ZBTB16: variants seen among roughly 807,000 people sequenced by gnomAD.
ZBTB16 encodes the protein zinc finger and BTB domain containing 16.
In ZBTB16, 8 loss-of-function variants were observed where a neutral mutation model predicts 56.8. That is an observed-to-expected ratio of 0.14 (90% CI 0.08 to 0.25). ZBTB16 has a LOEUF of 0.25. Ranked by LOEUF, ZBTB16 falls within the 10% of genes least tolerant of loss-of-function variation. The probability of loss-of-function intolerance (pLI) is 1.00; values close to 1 mark genes in which losing one functional copy is unlikely to be tolerated. For missense variants in ZBTB16, 625 were observed against 903.0 expected, an observed-to-expected ratio of 0.69 and a Z score of 3.95; for synonymous variants, 363 against 368.5, an observed-to-expected ratio of 0.98 and a Z score of 0.17.
At chr11:114,137,008 G>A (rs1168742538) in intron 2 of ZBTB16, among the ~76,000 whole-genome samples, 2 of 152,040 alleles carry the variant, frequency 1.3e-5, no homozygotes, top group African/African-American at 4.8e-5. Flanking sequence ...AAAATATTCT[G>A]GGAGATCTGT....
intron 2 of ZBTB16, among the ~76,000 whole-genome samples, chr11:114,132,785 C>T (rs1941700732): frequency 6.6e-6 from 1 of 152,108 alleles, no homozygotes; most frequent in African/African-American, 2.4e-5. Context: ...CGGATTACTC[C>T]ATCTGCTGCT....
intron 2 of ZBTB16, among the ~76,000 whole-genome samples, chr11:114,067,812 G>A (rs1343384521): frequency 1.3e-5 from 2 of 152,130 alleles, no homozygotes; most frequent in African/African-American, 4.8e-5. Context: ...AAAGAAATCA[G>A]AAAGGGGAGA....
intron 3 of ZBTB16, among the ~76,000 whole-genome samples, chr11:114,185,123 G>T (rs138002933): frequency 6.6e-6 from 1 of 152,122 alleles, no homozygotes; most frequent in Non-Finnish European, 1.5e-5. Context: ...TGGGAGGATC[G>T]CTTGAAACTA....
At chr11:114,103,133 T>C (rs578038638) in intron 2 of ZBTB16, among the ~76,000 whole-genome samples, 9 of 152,352 alleles carry the variant, frequency 5.9e-5, no homozygotes, top group African/African-American at 2.2e-4. Flanking sequence ...CTGTGATTAT[T>C]GAGGTTCGAC....
intron 2 of ZBTB16, among the ~76,000 whole-genome samples, chr11:114,107,291 C>T (rs1200066270): frequency 1.3e-5 from 2 of 152,144 alleles, no homozygotes; most frequent in Non-Finnish European, 2.9e-5. Flanking sequence ...TGTTTTGTTT[C>T]TGATGATATC....
At chr11:114,194,748 A>G (rs1038868030) in intron 4 of ZBTB16, among the ~76,000 whole-genome samples, 3 of 152,170 alleles carry the variant, frequency 2.0e-5, no homozygotes, top group Non-Finnish European at 2.9e-5. Flanking sequence ...GCACACCCCC[A>G]TGCACACCCA....
At chr11:114,108,068 GT>G (rs1204327626) in intron 2 of ZBTB16, among the ~76,000 whole-genome samples, 12 of 152,250 alleles carry the variant, frequency 7.9e-5, no homozygotes, top group African/African-American at 2.6e-4. Context: ...AATGCTGCTT[GT>G]GAGAGGAAAG....
At chr11:114,086,755 C>G (rs1446480814) in intron 2 of ZBTB16, among the ~76,000 whole-genome samples, 1 of 152,174 alleles carries the variant, frequency 6.6e-6, no homozygotes, top group Non-Finnish European at 1.5e-5. Context: ...GTTTCATTTG[C>G]CCTGAGAGCT....
At chr11:114,203,740 G>A (rs890284974) in intron 4 of ZBTB16, among the ~76,000 whole-genome samples, 54 of 152,294 alleles carry the variant, frequency 3.5e-4, no homozygotes, top group African/African-American at 1.2e-3. Context: ...GTAACGCTTT[G>A]CATCATAGTG....
At chr11:114,065,951 TG>T (rs965158574) in intron 2 of ZBTB16, among the ~76,000 whole-genome samples, 5 of 152,094 alleles carry the variant, frequency 3.3e-5, no homozygotes, top group Admixed American at 2.0e-4. Context: ...GTAGCGAGTT[TG>T]TTTTTTTTTT....
chr11:114,219,622 GT>G (rs761299280), intron 4 of ZBTB16, among the ~76,000 whole-genome samples: 2 of 151,438 alleles, frequency 1.3e-5, no homozygotes, highest in Non-Finnish European at 2.9e-5. Context: ...AAGTTGATTG[GT>G]TTTTTTTCTT....
At chr11:114,119,740 C>T (rs1442211877) in intron 2 of ZBTB16, among the ~76,000 whole-genome samples, 1 of 152,168 alleles carries the variant, frequency 6.6e-6, no homozygotes. Flanking sequence ...CTTTAAAAGA[C>T]AGAGTTTTGT....
chr11:114,176,510 G>T (rs1235367616), intron 3 of ZBTB16, among the ~76,000 whole-genome samples: 1 of 152,158 alleles, frequency 6.6e-6, no homozygotes, highest in Non-Finnish European at 1.5e-5. Flanking sequence ...CATTCTACCT[G>T]CCTGATAGAG....
Position 114,227,622 on chromosome 11 carries a change from G to A in ZBTB16, c.1454-14545G>A, listed in dbSNP as rs1424447607. Among the ~76,000 whole-genome samples, 3 of 152,152 alleles carry A rather than the reference G, an allele frequency of 2.0e-5. No individual in the cohort carries two copies. In the East Asian group the frequency reaches 5.8e-4, roughly 29 times the overall value. On this transcript the variant is annotated intron_variant, in intron 4 of 6. Coordinates refer to ENST00000335953, the MANE Select transcript of ZBTB16 (RefSeq NM_006006.6). ...ACAGTAAACCTTGAACTTAAAGCAAGTCTCTAAGTCTTGTGGGTGTCACAG... is the reference window on the plus strand; with the variant it reads ...ACAGTAAACCTTGAACTTAAAGCAAATCTCTAAGTCTTGTGGGTGTCACAG...
chr11:114,189,486 G>A (rs1158895785), intron 4 of ZBTB16: 4 of 152,234 alleles, frequency 2.6e-5, no homozygotes, highest in South Asian at 4.1e-4. Flanking sequence ...GTAAAATGGT[G>A]TAGCCACTTT....
intron 2 of ZBTB16, among the ~76,000 whole-genome samples, chr11:114,098,305 T>C (rs1940489845): frequency 6.6e-6 from 1 of 152,150 alleles, no homozygotes; most frequent in African/African-American, 2.4e-5. Context: ...TTTAATGGCC[T>C]GCATGTGAAG....
intron 4 of ZBTB16, among the ~76,000 whole-genome samples, chr11:114,239,231 G>A (rs1243308201): frequency 6.6e-6 from 1 of 152,164 alleles, no homozygotes; most frequent in African/African-American, 2.4e-5. Flanking sequence ...TGTCCTATTG[G>A]GAATGCCATT....
chr11:114,076,846 G>A (rs1472597994), intron 2 of ZBTB16, among the ~76,000 whole-genome samples: 3 of 151,834 alleles, frequency 2.0e-5, no homozygotes, highest in East Asian at 1.9e-4. Context: ...CACCTCTCCC[G>A]CGCCTTTCCC....
intron 3 of ZBTB16, among the ~76,000 whole-genome samples, chr11:114,166,042 T>A (rs1000425797): frequency 6.6e-6 from 1 of 152,066 alleles, no homozygotes; most frequent in African/African-American, 2.4e-5. Flanking sequence ...CCACTCTTGG[T>A]AGCATCCTGG....
Sources: gnomAD v4.1 joint callset for allele counts (sites outside exome capture counted in the v4.1 genomes callset) on GRCh38, gnomAD v4.1.1 for gene constraint, MANE v1.5 for transcripts, NCBI Gene and HGNC (gene_info 2026-07-23, HGNC 2026-07-21) for gene names.